The following SETD3 variants were observed in gnomAD, a reference collection of about 807,000 sequenced individuals.
SETD3 encodes the protein actin-histidine N-methyltransferase.
Under a neutral mutation model 63.0 loss-of-function variants are expected in SETD3, and 19 were observed. The ratio of observed to expected loss-of-function variants is 0.30; its 90% CI spans 0.21 to 0.44. The LOEUF (loss-of-function observed/expected upper bound fraction) is 0.44, where lower values mean the gene tolerates loss of function less well. SETD3 is among the 20% of genes least tolerant of loss of function. The pLI is 1.00. For missense variants in SETD3, 587 were observed against 728.5 expected (o/e 0.81, Z 2.24); for synonymous variants, 286 against 264.1 (o/e 1.08, Z -0.80).
upstream of SETD3, chr14:99,481,006 C>G (rs1175803705): frequency 1.3e-5 from 2 of 157,586 alleles, no homozygotes; most frequent in Non-Finnish European, 2.8e-5. Context: ...CGTTCGGGGT[C>G]CTCCCCAGCC....
intron 6 of SETD3, among the ~76,000 whole-genome samples, chr14:99,446,166 G>C (rs1359360262): frequency 1.3e-5 from 2 of 152,158 alleles, no homozygotes; most frequent in Admixed American, 1.3e-4. Context: ...AATGGGGACG[G>C]TGCCCAGCTC....
In SETD3 at chr14:99,456,747, C is replaced by T. The variant is rs182458656; in HGVS notation, c.675+1532G>A. Reference sequence around the variant, plus strand: ...ATGAACAGAGTATTTTAGTGACTCACAGCCATTGAAAAACTCATCAAATTT... The same window carrying T: ...ATGAACAGAGTATTTTAGTGACTCATAGCCATTGAAAAACTCATCAAATTT... On this transcript the variant is annotated intron_variant, in intron 6 of 12. Transcript: ENST00000331768. Among the ~76,000 whole-genome samples the T allele has an allele frequency of 3.9e-5, 6 of 152,318 alleles. No homozygotes were observed. The East Asian group carries it at 9.6e-4, about 24-fold the overall frequency.
At chr14:99,427,491 G>A (rs762675025) in intron 6 of SETD3, among the ~76,000 whole-genome samples, 14 of 152,192 alleles carry the variant, frequency 9.2e-5, no homozygotes, top group Non-Finnish European at 1.5e-4. Context: ...AAACTTTCAA[G>A]AAAGATTTTG....
chr14:99,467,796 C>A (rs144783496), intron 1 of SETD3, among the ~76,000 whole-genome samples: 1 of 152,122 alleles, frequency 6.6e-6, no homozygotes, highest in Non-Finnish European at 1.5e-5. Flanking sequence ...TGTTCTGCAC[C>A]GGCCCTCACA....
Position 99,405,307 on chromosome 14 carries a change from T to C in SETD3, c.989A>G (p.Asp330Gly), listed in dbSNP as rs1891621490. The change falls in exon 10 of 13, where the codon GAC becomes GGC. Residue 330 changes from aspartate (D) to glycine (G), a missense_variant. By Grantham distance (94) the Asp-to-Gly change is moderately conservative. Coordinates refer to ENST00000331768, the MANE Select transcript of SETD3 (RefSeq NM_032233.3). ...EFVIHSGFFF[D>G]NNSHDRVKIK... ...TTTCACTCTGTCGTGTGAGTTATTG[T>C]CAAAGAAAAAACCACTGTGGATCAC... is the stretch of plus-strand genomic sequence containing the variant. 1.9e-6 allele frequency: 3 copies of C among 1,609,104 alleles called. No homozygotes were observed. Among genetic ancestry groups the C allele is most frequent in the Admixed American group, 1.7e-5 (1 of 59,830 alleles).
intron 1 of SETD3, among the ~76,000 whole-genome samples, chr14:99,476,558 G>A (rs1895982781): frequency 6.6e-6 from 1 of 152,168 alleles, no homozygotes; most frequent in Non-Finnish European, 1.5e-5. Flanking sequence ...GACATGCAGC[G>A]AAGCTAAATT....
intron 1 of SETD3, among the ~76,000 whole-genome samples, chr14:99,468,447 C>T (rs1007516267): frequency 6.6e-6 from 1 of 152,148 alleles, no homozygotes; most frequent in Admixed American, 6.5e-5. Context: ...GCTATCTTCT[C>T]TTATGTATCT....
intron 6 of SETD3, among the ~76,000 whole-genome samples, chr14:99,422,743 C>A (rs1379563842): frequency 1.3e-5 from 2 of 152,190 alleles, no homozygotes; most frequent in African/African-American, 4.8e-5. Context: ...TTAGGTAAAT[C>A]TCACTGATAA....
At position 99,458,492 on chromosome 14, in the gene SETD3, G is replaced by A. The variant is rs1411425450; in HGVS notation, c.462C>T (p.Asn154=). Residue 154 remains asparagine, a synonymous_variant, in exon 6 of 13, where the codon AAC becomes AAT. Transcript: ENST00000331768. ...SQDRILQAMG[N]IALAFHLLCE... ...ACAGCAAATGAAAGGCCAGTGCGAT[G>A]TTTCCCATGGCTTGAAGGATTCGGT... 1.5e-5 allele frequency: 25 copies of A among 1,614,026 alleles called. No homozygotes were observed. The highest frequency in any genetic ancestry group is 2.1e-5 in the Non-Finnish European group (25 of 1,180,028).
chr14:99,398,675 C>G lies in SETD3; in HGVS notation c.*4G>C, dbSNP rs750838124. The G allele has an allele frequency of 4.3e-6, 7 of 1,610,550 alleles. No individual in the cohort carries two copies. Among genetic ancestry groups the G allele is most frequent in the Non-Finnish European group, 5.1e-6 (6 of 1,177,228 alleles). ...CTGGATCCCCCATCCAGCTTCACCT[C>G]GAGCTACTCCTTAACTCCAGCAGTG... On this transcript the variant is annotated 3_prime_UTR_variant, in exon 13 of 13. Transcript: ENST00000331768.
intron 1 of SETD3, among the ~76,000 whole-genome samples, chr14:99,480,104 ACGAC>A (rs1896196379): frequency 6.6e-6 from 1 of 152,216 alleles, no homozygotes; most frequent in African/African-American, 2.4e-5. Flanking sequence ...GGGAAGAAAG[ACGAC>A]CTATTTCCTA....
chr14:99,444,834 C>CAAA (rs58112982), intron 6 of SETD3, among the ~76,000 whole-genome samples: 2 of 115,822 alleles, frequency 1.7e-5, no homozygotes, highest in Non-Finnish European at 1.9e-5. Context: ...GACTTTGTCT[C>CAAA]AAAAAAAAAA....
At chr14:99,457,956 CTT>C (rs1195669012) in intron 6 of SETD3, among the ~76,000 whole-genome samples, 1 of 152,098 alleles carries the variant, frequency 6.6e-6, no homozygotes, top group East Asian at 1.9e-4. Context: ...CACAGAGTAA[CTT>C]ATTGCATTAG....
Position 99,404,241 on chromosome 14 carries a change from T to C in SETD3, c.1161A>G (p.Val387=). The C allele has an allele frequency of 6.2e-7, 1 of 1,613,980 alleles. No individual in the cohort carries two copies. Among genetic ancestry groups the C allele is most frequent in the Non-Finnish European group, 8.5e-7 (1 of 1,179,912 alleles). ...ATGACTTACCTTCAGTCATACAGAA[T>C]ACTCGGAGAAAAGCCAAAAGCTGAG... is the stretch of plus-strand genomic sequence containing the variant. ...ISAQLLAFLR[V]FCMTEEELKE... Residue 387 remains valine (V), a synonymous_variant, in exon 11 of 13, where the codon GTA becomes GTG. Coordinates refer to ENST00000331768, the MANE Select transcript of SETD3 (RefSeq NM_032233.3).
intron 6 of SETD3, among the ~76,000 whole-genome samples, chr14:99,434,847 C>A (rs867331977): frequency 0.022 from 679 of 30,376 alleles, 10 homozygotes; most frequent in African/African-American, 0.06. Context: ...AACTCTGCCT[C>A]AAAAAAAAAA....
chr14:99,459,036 C>T (rs1004034819), intron 5 of SETD3, 77 bp downstream of exon 5: 27 of 1,070,878 alleles, frequency 2.5e-5, no homozygotes, highest in Admixed American at 6.2e-5. Flanking sequence ...CAAGTATTAT[C>T]CTTAGTGCCA....
intron 6 of SETD3, among the ~76,000 whole-genome samples, chr14:99,429,493 G>T (rs569146972): frequency 6.6e-6 from 1 of 152,162 alleles, no homozygotes; most frequent in Non-Finnish European, 1.5e-5. Flanking sequence ...TCTCTTAAAC[G>T]GGATGTAAGA....
At chr14:99,441,185 G>A (rs1893789192) in intron 6 of SETD3, among the ~76,000 whole-genome samples, 1 of 152,236 alleles carries the variant, frequency 6.6e-6, no homozygotes, top group Non-Finnish European at 1.5e-5. Context: ...CCAGCCCAGT[G>A]GGGACCCAGT....
At chr14:99,481,645 G>A (rs1680967803), upstream of SETD3, 3 of 388,872 alleles carry the variant, frequency 7.7e-6, no homozygotes, top group African/African-American at 6.2e-5. Flanking sequence ...GCGACGCGGG[G>A]TTGTGGGGCG....
Sources: allele counts gnomAD v4.1 joint callset (sites outside exome capture counted in the v4.1 genomes callset), GRCh38; gene constraint gnomAD v4.1.1; transcripts MANE v1.5; gene names NCBI Gene and HGNC (gene_info 2026-07-23, HGNC 2026-07-21).